Variants in LOXHD1 observed in about 807,000 individuals in gnomAD.
The protein encoded by LOXHD1 is lipoxygenase homology domain-containing protein 1.
A neutral mutation model predicts 248.2 loss-of-function variants in LOXHD1; 205 were observed. The observed-to-expected ratio is 0.83, with a 90% CI of 0.74 to 0.93. LOXHD1 has a LOEUF of 0.93. Ranked by LOEUF, LOXHD1 falls within the 40% of genes least tolerant of loss-of-function variation. LOXHD1 has a pLI of 0.00. For missense variants in LOXHD1, 2,930 were observed against 2,971.6 expected, an observed-to-expected ratio of 0.99 and a Z score of 0.33; for synonymous variants, 1,113 against 1,162.8, an observed-to-expected ratio of 0.96 and a Z score of 0.87.
At chr18:46,553,742 A>T (rs2037203721) in intron 21 of LOXHD1, among the ~76,000 whole-genome samples, 1 of 152,224 alleles carries the variant, frequency 6.6e-6, no homozygotes, top group African/African-American at 2.4e-5. Flanking sequence ...GTCAGATGAT[A>T]AGCTGATATA....
chr18:46,544,733 A>T, intron 23 of LOXHD1: 1 of 451,232 alleles, frequency 2.2e-6, no homozygotes, highest in Admixed American at 2.4e-5. Context: ...GACAAGCTTC[A>T]GAGTCTCCAT....
chr18:46,486,200 A>G (rs4890656), intron 38 of LOXHD1, among the ~76,000 whole-genome samples: 52,497 of 152,012 alleles, frequency 0.35, 9,607 homozygotes, highest in East Asian at 0.75. Flanking sequence ...TGTCTGGCTC[A>G]AGTGTCCCCA....
rs1396994210 is a variant in LOXHD1, at chr18:46,656,914, G to C, written c.120C>G (p.Tyr40Ter). The change falls in exon 1 of 41, where the codon TAC (tyrosine) becomes TAG (stop). Residue 40 changes from tyrosine to a stop codon, truncating the protein, a stop_gained. Transcript: ENST00000642948. LOFTEE classifies it high-confidence loss of function. ...GCTGGGACCCCGCACCTCTGGCCTT[G>C]TAGTACTCGTGTTCCAGCTCCCCCT... is the stretch of plus-strand genomic sequence containing the variant. ...DDEGELEHEYYKARVYEVVTA... is the reference protein window; with the variant it reads ...DDEGELEHEY 2.0e-5 allele frequency: 31 copies of C among 1,551,534 alleles called. No individual in the cohort carries two copies. The highest frequency in any genetic ancestry group is 2.5e-5 in the Non-Finnish European group (29 of 1,146,898).
At chr18:46,500,052 G>A (rs76417242) in intron 37 of LOXHD1, among the ~76,000 whole-genome samples, 2,175 of 152,072 alleles carry the variant, frequency 0.014, 27 homozygotes, top group Non-Finnish European at 0.023. Context: ...TCCCACTTTG[G>A]AAGTACAAAA....
At chr18:46,527,826 C>T (rs1184081976) in intron 29 of LOXHD1, among the ~76,000 whole-genome samples, 1 of 152,198 alleles carries the variant, frequency 6.6e-6, no homozygotes, top group African/African-American at 2.4e-5. Flanking sequence ...TCCTGTTTTT[C>T]AGCCCAGAGG....
intron 37 of LOXHD1, among the ~76,000 whole-genome samples, chr18:46,500,851 C>T (rs567098571): frequency 1.4e-4 from 22 of 152,206 alleles, no homozygotes; most frequent in African/African-American, 4.3e-4. Context: ...TCATTTTAAG[C>T]GAACACCACA....
chr18:46,607,953 T>C (rs2038442747), intron 6 of LOXHD1, among the ~76,000 whole-genome samples: 3 of 150,174 alleles, frequency 2.0e-5, no homozygotes, highest in South Asian at 4.2e-4. Flanking sequence ...TACAAATAAA[T>C]GAATAAACAA....
chr18:46,485,797 G>A (rs1392089096), intron 38 of LOXHD1, among the ~76,000 whole-genome samples: 4 of 152,086 alleles, frequency 2.6e-5, no homozygotes, highest in African/African-American at 4.8e-5. Flanking sequence ...CCAAAGTACC[G>A]TGGGGTAAGA....
intron 40 of LOXHD1, among the ~76,000 whole-genome samples, chr18:46,479,396 T>A (rs931992534): frequency 4.0e-5 from 6 of 151,810 alleles, no homozygotes; most frequent in Admixed American, 2.6e-4. Context: ...CTCTTGCACA[T>A]CCCCAATTTT....
chr18:46,631,664 C>A (rs913631792), intron 4 of LOXHD1, among the ~76,000 whole-genome samples: 1 of 152,152 alleles, frequency 6.6e-6, no homozygotes, highest in Admixed American at 6.5e-5. Context: ...ACAGAAGATC[C>A]GCAGTTTCCT....
At chr18:46,502,304 C>T (rs2034282012) in intron 37 of LOXHD1, among the ~76,000 whole-genome samples, 1 of 152,122 alleles carries the variant, frequency 6.6e-6, no homozygotes, top group African/African-American at 2.4e-5. Flanking sequence ...CTGGAAGGTT[C>T]ATCCCGAGAA....
intron 16 of LOXHD1, among the ~76,000 whole-genome samples, chr18:46,568,611 G>A (rs1332635130): frequency 1.3e-5 from 2 of 152,144 alleles, no homozygotes; most frequent in Non-Finnish European, 2.9e-5. Context: ...AGACCCTCAT[G>A]CCATAAAGCA....
intron 15 of LOXHD1, 56 bp from the exon 16 acceptor site, chr18:46,569,694 G>A: frequency 7.0e-7 from 1 of 1,422,234 alleles, no homozygotes; most frequent in East Asian, 2.5e-5. Context: ...GGGGTGACAG[G>A]AAGCAGGGTG....
chr18:46,534,368 G>C lies in LOXHD1; in HGVS notation c.4179C>G (p.His1393Gln). Residue 1393 changes from histidine (H) to glutamine (Q), a missense_variant, in exon 27 of 41, where the codon CAC (histidine) becomes CAG (glutamine). By Grantham distance (24) the His-to-Gln change is conservative. Transcript: ENST00000642948. ...TGMNPGWHCS[H>Q]VDIRRLLPDK... ...CCGGGAGGAGCCTGCGGATGTCCAC[G>C]TGAGAGCAGTGCCACCCAGGATTCA... 6.4e-7 allele frequency: 1 copy of C among 1,551,646 alleles called. No individual in the cohort carries two copies.
rs1036443289 is a variant in LOXHD1 at position 46,642,801 on chromosome 18, T to C, written c.246-765A>G. Among the ~76,000 whole-genome samples, 6 of 152,300 alleles carry C rather than the reference T, an allele frequency of 3.9e-5. No individual in the cohort carries two copies. In the East Asian group the frequency reaches 1.2e-3, roughly 29 times the overall value. ...GAAGCTCATGTCAACAGCTGTTCCA[T>C]CCTGTGTGCAGGGCCGGGGCCCCTG... On this transcript the variant is annotated intron_variant, in intron 2 of 40. Coordinates refer to ENST00000642948, the MANE Select transcript of LOXHD1 (RefSeq NM_001384474.1).
At chr18:46,542,635 T>C (rs983165317) in intron 24 of LOXHD1, 92 bp downstream of exon 24, 24 of 1,469,396 alleles carry the variant, frequency 1.6e-5, no homozygotes, top group Non-Finnish European at 2.2e-5. Flanking sequence ...ACAGATGGCA[T>C]TCAAATTTCC....
At chr18:46,521,716 C>T (rs749909617) in intron 32 of LOXHD1, among the ~76,000 whole-genome samples, 11 of 152,138 alleles carry the variant, frequency 7.2e-5, no homozygotes, top group African/African-American at 1.9e-4. Flanking sequence ...CAGATAAAAT[C>T]GCAGCCCTGG....
chr18:46,580,982 G>A (rs1398662720), intron 12 of LOXHD1, among the ~76,000 whole-genome samples: 1 of 152,170 alleles, frequency 6.6e-6, no homozygotes, highest in African/African-American at 2.4e-5. Context: ...GGGTGTAGCG[G>A]GTCAAGGTAA....
Position 46,593,733 on chromosome 18 carries a change from G to A in LOXHD1, c.1298C>T (p.Thr433Ile), listed in dbSNP as rs1454216598. ...GGTACCAGCTTTCTTTAGGTCGGTT[G>A]TCCAGACCCACAGGGACCAAGGGAA... The part of the protein sequence containing the change: ...KKFPWSLWVW[T>I]TDLKKAGTNS... Residue 433 changes from threonine (T) to isoleucine (I), a missense_variant, in exon 10 of 41, where the codon ACA (threonine) becomes ATA (isoleucine). Thr to Ile is a moderately conservative substitution (Grantham distance 89). Transcript: ENST00000642948. 6.4e-7 allele frequency: 1 copy of A among 1,551,940 alleles called. No homozygotes were observed. The highest frequency in any genetic ancestry group is 1.4e-5 in the African/African-American group (1 of 73,026).
Sources: gnomAD v4.1 joint callset for allele counts (sites outside exome capture counted in the v4.1 genomes callset) on GRCh38, gnomAD v4.1.1 for gene constraint, MANE v1.5 for transcripts, NCBI Gene and HGNC (gene_info 2026-07-23, HGNC 2026-07-21) for gene names.